RETREG2: variants seen among roughly 807,000 people sequenced by gnomAD.
The protein encoded by RETREG2 is reticulophagy regulator 2.
Under a neutral mutation model 51.6 loss-of-function variants are expected in RETREG2, and 21 were observed. That is an observed-to-expected ratio of 0.41 (90% confidence interval 0.29 to 0.59). The LOEUF is 0.59. RETREG2 is among the 20% of genes least tolerant of loss of function. The pLI is 0.34. For synonymous variants in RETREG2, 339 were observed against 288.6 expected, an observed-to-expected ratio of 1.17 and a Z score of -1.77; for missense variants, 674 against 646.0, an observed-to-expected ratio of 1.04 and a Z score of -0.47.
At chr2:219,180,008 T>G in intron 3 of RETREG2, 102 bp from the exon 4 acceptor site, 1 of 1,492,152 alleles carries the variant, frequency 6.7e-7, no homozygotes, top group East Asian at 2.3e-5. Flanking sequence ...GTGGGGTCAT[T>G]TGCTTTTTTA....
chr2:219,182,505 T>C lies in RETREG2; in HGVS notation c.1508T>C (p.Leu503Pro), dbSNP rs1241656484. ...ELLDQGELEQ[L>P]NAELGLEPET... The stretch of plus-strand genomic sequence containing the variant: ...CTGGATCAGGGGGAGCTGGAGCAGC[T>C]GAATGCAGAGCTGGGCTTGGAGCCA... Residue 503 changes from leucine to proline, a missense_variant, in exon 9 of 9, where the codon CTG (leucine) becomes CCG (proline). Physicochemically the swap from Leu to Pro is moderately conservative, Grantham distance 98. Transcript: ENST00000430297. 2.5e-6 allele frequency: 4 copies of C among 1,614,044 alleles called. No individual in the cohort carries two copies. The highest frequency in any genetic ancestry group is 1.7e-5 in the Admixed American group (1 of 60,004).
In RETREG2 at chr2:219,179,046, C is replaced by A. The variant is rs777759884; in HGVS notation, c.388+18C>A. 90 of 1,560,556 alleles carry A rather than the reference C, an allele frequency of 5.8e-5. No individual in the cohort carries two copies. The highest frequency in any genetic ancestry group is 7.7e-5 in the Non-Finnish European group (87 of 1,131,864). On this transcript the variant is annotated intron_variant, in intron 2 of 8. Coordinates refer to ENST00000430297, the MANE Select transcript of RETREG2 (RefSeq NM_024293.6). ...CGTTTCAGGTGAGTGTTTCTTCATT[C>A]AGTAAGCACCCATTGGGTACTTGCT...
Position 219,182,010 on chromosome 2 carries a change from C to A in RETREG2, c.1016-3C>A. On this transcript the variant is annotated splice_region_variant and splice_polypyrimidine_tract_variant and intron_variant, in intron 8 of 8. Transcript: ENST00000430297. ...CATTCTTAATTCTTTGTTCTCTGCACAGATTTGGACCAGCAGAGCCTGCCA... is the reference window on the plus strand; with the variant it reads ...CATTCTTAATTCTTTGTTCTCTGCAAAGATTTGGACCAGCAGAGCCTGCCA... The A allele has an allele frequency of 6.2e-7, 1 of 1,612,700 alleles. No homozygotes were observed. The highest frequency in any genetic ancestry group is 8.5e-7 in the Non-Finnish European group (1 of 1,178,970).
intron 3 of RETREG2, 83 bp from the exon 4 acceptor site, chr2:219,180,027 A>T: frequency 6.4e-7 from 1 of 1,555,008 alleles, no homozygotes; most frequent in Non-Finnish European, 8.8e-7. Flanking sequence ...TAGACTAAAG[A>T]TATCTTTGGC....
At position 219,182,310 on chromosome 2, in the gene RETREG2, T is replaced by C. The variant is rs200338296; in HGVS notation, c.1313T>C (p.Val438Ala). The change falls in exon 9 of 9, where the codon GTG (valine) becomes GCG (alanine). Residue 438 changes from valine (V) to alanine (A), a missense_variant. Physicochemically the swap from Val to Ala is moderately conservative, Grantham distance 64. Coordinates refer to ENST00000430297, the MANE Select transcript of RETREG2 (RefSeq NM_024293.6). ...GTGGAGACACTGAGCCCCGAGACAG[T>C]GAGTGGTGGCCTCACTGCTCTGCCC... ...GPVETLSPET[V>A]SGGLTALPGT... 2.5e-5 allele frequency: 40 copies of C among 1,613,870 alleles called. No individual in the cohort carries two copies. In the African/African-American group the frequency reaches 4.8e-4, roughly 19 times the overall value.
rs1374755237 is a variant in RETREG2, at chr2:219,184,600, G to T, written c.*1971G>T. On this transcript the variant is annotated 3_prime_UTR_variant, in exon 9 of 9. Transcript: ENST00000430297. The stretch of plus-strand genomic sequence containing the variant: ...TTCATCACTTAGAGATTTCAGAGGG[G>T]AATGGAAAAACAGTTCTAATCAATA... 6.6e-6 allele frequency: 1 copy of T among 152,098 alleles called. No homozygotes were observed. The highest frequency in any genetic ancestry group is 1.5e-5 in the Non-Finnish European group (1 of 68,024). 9.4% of individuals were successfully genotyped at this position (152,098 alleles called of 1,614,324 possible). A position where few individuals can be genotyped will look rare whatever the true frequency, so the allele number is the denominator to read the frequency against.
chr2:219,180,936 A>G (rs1950269499), intron 5 of RETREG2, 126 bp from the exon 6 acceptor site: 2 of 1,416,798 alleles, frequency 1.4e-6, no homozygotes, highest in Admixed American at 1.8e-5. Context: ...ATGTGGCAAG[A>G]AGAGGTTGGC....
intron 2 of RETREG2, 115 bp downstream of exon 2, chr2:219,179,143 T>C: frequency 1.3e-6 from 1 of 795,024 alleles, no homozygotes; most frequent in Non-Finnish European, 2.2e-6. Context: ...CTCCCAGGCA[T>C]GGCCCACTTC....
Position 219,182,486 on chromosome 2 carries a change from CA to C in RETREG2, c.1490del (p.Gln497ArgfsTer7), listed in dbSNP as rs1243940363. 2.5e-6 allele frequency: 4 copies of C among 1,613,940 alleles called. No individual in the cohort carries two copies. Among genetic ancestry groups the C allele is most frequent in the Admixed American group, 1.7e-5 (1 of 59,992 alleles). The stretch of plus-strand genomic sequence containing the variant: ...CACTGAGGACTTTGAGTTGCTGGAT[CA>C]GGGGGAGCTGGAGCAGCTGAATGCA... Reference protein sequence around the residue: ...LTTEDFELLDQGELEQLNAEL... With the variant: ...LTTEDFELLDXGELEQLNAEL... On this transcript the variant is annotated frameshift_variant, in exon 9 of 9. Transcript: ENST00000430297. LOFTEE classifies it high-confidence loss of function.
chr2:219,179,800 A>G (rs1950250263), intron 3 of RETREG2, 37 bp downstream of exon 3: 1 of 1,601,968 alleles, frequency 6.2e-7, no homozygotes, highest in Non-Finnish European at 8.6e-7. Flanking sequence ...AAATGCCCAC[A>G]TCCTGTCCTG....
Position 219,181,047 on chromosome 2 carries a change from G to C in RETREG2, c.641-15G>C. ...TTGGCGTAGGGAGCTCTTAGTTCAC[G>C]TTCTTAACCCATAGTGTTGAGTATC... On this transcript the variant is annotated splice_polypyrimidine_tract_variant and intron_variant, in intron 5 of 8. Coordinates refer to ENST00000430297, the MANE Select transcript of RETREG2 (RefSeq NM_024293.6). The C allele has an allele frequency of 6.2e-7, 1 of 1,613,450 alleles. No individual in the cohort carries two copies. The highest frequency in any genetic ancestry group is 8.5e-7 in the Non-Finnish European group (1 of 1,179,542).
Position 219,181,717 on chromosome 2 carries a change from G to A in RETREG2, c.957G>A (p.Glu319=). Residue 319 remains glutamate, a synonymous_variant, in exon 8 of 9, where the codon GAG becomes GAA. Coordinates refer to ENST00000430297, the MANE Select transcript of RETREG2 (RefSeq NM_024293.6). The part of the protein sequence containing the change: ...ELSDEEASIL[E]SGGFSVSRAT... ...CAGATGAGGAGGCTTCTATCTTGGA[G>A]AGTGGTGGCTTCTCCGTATCCCGGG... 6.2e-7 allele frequency: 1 copy of A among 1,614,126 alleles called. No homozygotes were observed. The highest frequency in any genetic ancestry group is 2.2e-5 in the East Asian group (1 of 44,878).
In RETREG2 at chr2:219,180,136, C is replaced by A; in HGVS notation, c.446C>A (p.Pro149Gln). ...GAGGGTGCGGGGTCAGGCGCCCGGCCGCACCTGCTGAGTGTGCCCGAGTTG... is the reference window on the plus strand; with the variant it reads ...GAGGGTGCGGGGTCAGGCGCCCGGCAGCACCTGCTGAGTGTGCCCGAGTTG... The part of the protein sequence containing the change: ...DSEGAGSGAR[P>Q]HLLSVPELCR... Residue 149 changes from proline (P) to glutamine (Q), a missense_variant, in exon 4 of 9, where the codon CCG becomes CAG. By Grantham distance (76) the Pro-to-Gln change is moderately conservative. Coordinates refer to ENST00000430297, the MANE Select transcript of RETREG2 (RefSeq NM_024293.6). 1 of 1,614,102 alleles carries A rather than the reference C, an allele frequency of 6.2e-7. No individual in the cohort carries two copies. Among genetic ancestry groups the A allele is most frequent in the South Asian group, 1.1e-5 (1 of 91,084 alleles).
Position 219,182,239 on chromosome 2 carries a change from G to T in RETREG2, c.1242G>T (p.Gly414=). 6.2e-7 allele frequency: 1 copy of T among 1,614,106 alleles called. No homozygotes were observed. Among genetic ancestry groups the T allele is most frequent in the South Asian group, 1.1e-5 (1 of 91,076 alleles). Residue 414 remains glycine (G), a synonymous_variant, in exon 9 of 9, where the codon GGG becomes GGT. Transcript: ENST00000430297. ...ACTTTGTGAACACGCACTTCAATGG[G>T]GCAGGGTCCCCCCCAGATGGAGTGA... ...PLHFVNTHFN[G]AGSPPDGVKC...
chr2:219,182,404 T>G lies in RETREG2; in HGVS notation c.1407T>G (p.Pro469=). The stretch of plus-strand genomic sequence containing the variant: ...CCCCCTCCCCTTCCATTCTCCCACC[T>G]GTTCCCCAGGACTCACCCCAGCCCC... ...DPAPSPSILP[P]VPQDSPQPLP... is the part of the protein sequence containing the mutation. Residue 469 remains proline (P), a synonymous_variant, in exon 9 of 9, where the codon CCT becomes CCG. Coordinates refer to ENST00000430297, the MANE Select transcript of RETREG2 (RefSeq NM_024293.6). The G allele has an allele frequency of 6.4e-7, 1 of 1,551,180 alleles. No individual in the cohort carries two copies. The highest frequency in any genetic ancestry group is 1.4e-5 in the African/African-American group (1 of 73,382).
rs918488386 is a variant in RETREG2 at position 219,178,442 on chromosome 2, A to AGGCATGAGTGAG, written c.92_103dup (p.Gly31_Glu34dup). 15 of 737,956 alleles carry AGGCATGAGTGAG rather than the reference A, an allele frequency of 2.0e-5. No homozygotes were observed. The highest frequency in any genetic ancestry group is 3.2e-5 in the Non-Finnish European group (15 of 472,016). 45.7% of individuals were successfully genotyped at this position (737,956 alleles called of 1,614,324 possible). A position where few individuals can be genotyped will look rare whatever the true frequency, so the allele number is the denominator to read the frequency against. The stretch of plus-strand genomic sequence containing the variant: ...TGGGCCTGGGTCTGGGTCTGAGCCT[A>AGGCATGAGTGAG]GGCATGAGTGAGGCCACCAGTGAGG... On this transcript the variant is annotated inframe_insertion, in exon 1 of 9. Coordinates refer to ENST00000430297, the MANE Select transcript of RETREG2 (RefSeq NM_024293.6).
At position 219,182,066 on chromosome 2, in the gene RETREG2, C is replaced by T. The variant is rs1414402384; in HGVS notation, c.1069C>T (p.Leu357=). The T allele has an allele frequency of 1.2e-6, 2 of 1,614,008 alleles. No homozygotes were observed. The highest frequency in any genetic ancestry group is 1.7e-6 in the Non-Finnish European group (2 of 1,179,996). ...ACCAGAGGAGACCCTAAGCCGGGAC[C>T]TAGGGGAGGGAGAGGAGGGAGAGCT... ...SEPEETLSRD[L]GEGEEGELAP... Residue 357 remains leucine, a synonymous_variant, in exon 9 of 9, where the codon CTA becomes TTA. Coordinates refer to ENST00000430297, the MANE Select transcript of RETREG2 (RefSeq NM_024293.6).
At position 219,182,256 on chromosome 2, in the gene RETREG2, A is replaced by C; in HGVS notation, c.1259A>C (p.Asp420Ala). 1 of 1,613,916 alleles carries C rather than the reference A, an allele frequency of 6.2e-7. No homozygotes were observed. The highest frequency in any genetic ancestry group is 1.3e-5 in the African/African-American group (1 of 74,952). The change falls in exon 9 of 9, where the codon GAT (aspartate) becomes GCT (alanine). Residue 420 changes from aspartate (D) to alanine (A), a missense_variant. Coordinates refer to ENST00000430297, the MANE Select transcript of RETREG2 (RefSeq NM_024293.6). ...THFNGAGSPPDGVKCSPGGPV... is the reference protein window; with the variant it reads ...THFNGAGSPPAGVKCSPGGPV... Reference sequence around the variant, plus strand: ...TTCAATGGGGCAGGGTCCCCCCCAGATGGAGTGAAATGCTCCCCTGGAGGA... The same window carrying C: ...TTCAATGGGGCAGGGTCCCCCCCAGCTGGAGTGAAATGCTCCCCTGGAGGA...
Position 219,180,770 on chromosome 2 carries a change from C to T in RETREG2, c.640+16C>T, listed in dbSNP as rs977047451. 8 of 1,613,392 alleles carry T rather than the reference C, an allele frequency of 5.0e-6. No individual in the cohort carries two copies. The highest frequency in any genetic ancestry group is 1.7e-5 in the Admixed American group (1 of 60,006). The stretch of plus-strand genomic sequence containing the variant: ...TACATTGTCTGTGAGTAGGGTCTGT[C>T]CCTGCCCTATTTAAAGCCCTCTCCT... On this transcript the variant is annotated intron_variant, in intron 5 of 8. Coordinates refer to ENST00000430297, the MANE Select transcript of RETREG2 (RefSeq NM_024293.6).
Sources: gnomAD v4.1 joint callset for allele counts on GRCh38, gnomAD v4.1.1 for gene constraint, MANE v1.5 for transcripts, NCBI Gene and HGNC (gene_info 2026-07-23, HGNC 2026-07-21) for gene names.